The following TRPM8 variants were observed in gnomAD, a reference collection of about 807,000 sequenced individuals.
TRPM8 encodes the protein TRPM8 cationic channel.
Under a neutral mutation model 133.7 loss-of-function variants are expected in TRPM8, and 110 were observed. The observed-to-expected ratio is 0.82, with a 90% CI of 0.70 to 0.96. TRPM8 has a LOEUF of 0.96. Among genes scored for constraint, TRPM8 ranks in the 40% least tolerant of loss-of-function variants. The pLI, the probability that TRPM8 is intolerant of heterozygous loss-of-function variation, is 0.00. For missense variants in TRPM8, 1,291 were observed against 1,379.5 expected (o/e 0.94, Z 1.02); for synonymous variants, 535 against 532.3 (o/e 1.01, Z -0.07).
intron 23 of TRPM8, among the ~76,000 whole-genome samples, chr2:234,007,652 A>C (rs1692727065): frequency 6.6e-6 from 1 of 152,214 alleles, no homozygotes; most frequent in Non-Finnish European, 1.5e-5. Context: ...ACTCTAACAA[A>C]ATATGAGTAT....
intron 6 of TRPM8, among the ~76,000 whole-genome samples, chr2:233,945,010 A>G (rs1691007385): frequency 6.6e-6 from 1 of 152,188 alleles, no homozygotes; most frequent in Admixed American, 6.5e-5. Flanking sequence ...CAATCTTTTA[A>G]CCACTATAGT....
At position 233,937,407 on chromosome 2, in the gene TRPM8, G is replaced by C; in HGVS notation, c.246G>C (p.Gln82His). Residue 82 changes from glutamine (Q) to histidine (H), a missense_variant, in exon 4 of 26, where the codon CAG (glutamine) becomes CAC (histidine). By Grantham distance (24) the Gln-to-His change is conservative (BLOSUM62 0). Coordinates refer to ENST00000324695, the MANE Select transcript of TRPM8 (RefSeq NM_024080.5). ...YAQSQHMEGT[Q>H]INQSEKWNYK... is the part of the protein sequence containing the mutation. ...AGAGCCAGCACATGGAAGGCACCCA[G>C]ATCAACCAAAGTGAGAAATGGAACT... 6.2e-7 allele frequency: 1 copy of C among 1,614,182 alleles called. No individual in the cohort carries two copies. Among genetic ancestry groups the C allele is most frequent in the Non-Finnish European group, 8.5e-7 (1 of 1,180,040 alleles).
chr2:233,974,886 A>AGAGAGAGAGAGG (rs1691829094), intron 17 of TRPM8, among the ~76,000 whole-genome samples: 1 of 151,420 alleles, frequency 6.6e-6, no homozygotes, highest in Non-Finnish European at 1.5e-5. Context: ...AGAGAGAGAG[A>AGAGAGAGAGAGG]CAGAGAGAGA....
intron 24 of TRPM8, among the ~76,000 whole-genome samples, chr2:234,014,099 G>A (rs1401298074): frequency 1.3e-5 from 2 of 152,084 alleles, no homozygotes; most frequent in East Asian, 1.9e-4. Flanking sequence ...ATTGTCTGCT[G>A]TTTTTGTGTG....
intron 11 of TRPM8, among the ~76,000 whole-genome samples, chr2:233,955,650 C>T (rs1691276231): frequency 6.6e-6 from 1 of 152,106 alleles, no homozygotes; most frequent in Non-Finnish European, 1.5e-5. Flanking sequence ...TTTTTGCTCC[C>T]TGCCCCCACC....
chr2:233,979,772 T>G (rs1205637288), intron 17 of TRPM8, among the ~76,000 whole-genome samples: 1 of 152,140 alleles, frequency 6.6e-6, no homozygotes, highest in Non-Finnish European at 1.5e-5. Flanking sequence ...TGGCAGAAAA[T>G]TTTTACAGTA....
chr2:233,952,219 C>T (rs180883784), intron 9 of TRPM8, among the ~76,000 whole-genome samples: 30 of 152,246 alleles, frequency 2.0e-4, no homozygotes, highest in African/African-American at 6.7e-4. Context: ...ATTGCGTACA[C>T]GACAGAAACA....
intron 13 of TRPM8, among the ~76,000 whole-genome samples, chr2:233,963,776 T>C (rs976517611): frequency 6.6e-6 from 1 of 152,246 alleles, no homozygotes; most frequent in Admixed American, 6.5e-5. Flanking sequence ...TAAGGACTTT[T>C]GTAAATGGTT....
chr2:233,961,015 C>A lies in TRPM8; in HGVS notation c.1602C>A (p.Gly534=). The change falls in exon 12 of 26, where the codon GGC becomes GGA. Residue 534 remains glycine (G), a synonymous_variant. Transcript: ENST00000324695. ...VWKLVANFRR[G]FRKEDRNGRD... Reference sequence around the variant, plus strand: ...AACTGGTTGCGAACTTCCGAAGAGGCTTCCGGAAGGAAGACAGAAATGGCC... The same window carrying A: ...AACTGGTTGCGAACTTCCGAAGAGGATTCCGGAAGGAAGACAGAAATGGCC... The A allele has an allele frequency of 6.2e-7, 1 of 1,614,176 alleles. No individual in the cohort carries two copies. The highest frequency in any genetic ancestry group is 8.5e-7 in the Non-Finnish European group (1 of 1,180,040).
intron 21 of TRPM8, among the ~76,000 whole-genome samples, chr2:233,988,969 G>A (rs1245351912): frequency 2.0e-5 from 3 of 152,188 alleles, no homozygotes; most frequent in Admixed American, 2.0e-4. Context: ...GTGATAAGAT[G>A]TCATAGCTAC....
At chr2:233,950,173 G>A (rs371694505) in intron 9 of TRPM8, 27 bp downstream of exon 9, 40 of 1,599,932 alleles carry the variant, frequency 2.5e-5, no homozygotes, top group South Asian at 1.1e-5. Flanking sequence ...ATGTCTGAGG[G>A]CTGAGAAAAT....
intron 17 of TRPM8, among the ~76,000 whole-genome samples, chr2:233,973,737 G>A (rs1270325652): frequency 7.2e-5 from 11 of 152,328 alleles, no homozygotes; most frequent in Non-Finnish European, 1.6e-4. Flanking sequence ...GTTGTGCCTT[G>A]CTATGTATGT....
At chr2:233,995,351 C>T (rs567728653) in intron 21 of TRPM8, among the ~76,000 whole-genome samples, 42 of 152,268 alleles carry the variant, frequency 2.8e-4, no homozygotes, top group Middle Eastern at 6.8e-3. Flanking sequence ...TAATTTGTAA[C>T]AGAGAAATCC....
intron 3 of TRPM8, among the ~76,000 whole-genome samples, chr2:233,931,381 T>A (rs962547786): frequency 6.6e-6 from 1 of 152,206 alleles, no homozygotes; most frequent in Non-Finnish European, 1.5e-5. Context: ...CTCTGCCCCT[T>A]CCTTTCTGTT....
intron 11 of TRPM8, 140 bp downstream of exon 11, chr2:233,955,390 G>T: frequency 1.6e-6 from 1 of 629,764 alleles, no homozygotes; most frequent in South Asian, 2.2e-5. Context: ...GGATTGCTGA[G>T]GCTTAATTTC....
intron 24 of TRPM8, among the ~76,000 whole-genome samples, chr2:234,008,595 C>G (rs17869071): frequency 3.3e-5 from 5 of 152,300 alleles, no homozygotes; most frequent in Non-Finnish European, 7.3e-5. Flanking sequence ...TAATCAGGTT[C>G]AAATCACAAT....
intron 1 of TRPM8, among the ~76,000 whole-genome samples, chr2:233,923,285 A>G (rs533190207): frequency 5.9e-5 from 9 of 152,258 alleles, no homozygotes; most frequent in Non-Finnish European, 1.0e-4. Context: ...ATCTTTCTTT[A>G]TCTTGGGGAA....
chr2:233,963,335 T>G lies in TRPM8; in HGVS notation c.1707T>G (p.Ile569Met). 6.2e-7 allele frequency: 1 copy of G among 1,613,566 alleles called. No individual in the cohort carries two copies. Among genetic ancestry groups the G allele is most frequent in the Non-Finnish European group, 8.5e-7 (1 of 1,179,742 alleles). ...HPLQALFIWA[I>M]LQNKKELSKV... ...TGCAAGCTCTCTTCATCTGGGCCATTCTTCAGAATAAGAAGGAACTCTCCA... is the reference window on the plus strand; with the variant it reads ...TGCAAGCTCTCTTCATCTGGGCCATGCTTCAGAATAAGAAGGAACTCTCCA... The change falls in exon 13 of 26, where the codon ATT becomes ATG. Residue 569 changes from isoleucine to methionine, a missense_variant. This residue lies in a region of TRPM8 where 963 missense variants were observed against 968.9 expected (regional missense o/e 0.99). Transcript: ENST00000324695.
At chr2:234,014,496 G>A (rs1559554154) in intron 24 of TRPM8, 66 bp from the exon 25 acceptor site, 7 of 978,212 alleles carry the variant, frequency 7.2e-6, no homozygotes, top group Middle Eastern at 2.3e-4. Context: ...GGCACAGAGC[G>A]ATAATTTAAA....
Sources: allele counts gnomAD v4.1 joint callset (sites outside exome capture counted in the v4.1 genomes callset), GRCh38; gene constraint gnomAD v4.1.1; regional missense constraint gnomAD v4.1.1; transcripts MANE v1.5; gene names NCBI Gene and HGNC (gene_info 2026-07-23, HGNC 2026-07-21).